FAM174A: variants seen among roughly 807,000 people sequenced by gnomAD.
FAM174A encodes membrane protein FAM174A.
In FAM174A, 14 loss-of-function variants were observed where a neutral mutation model predicts 14.3. The observed-to-expected ratio is 0.98, with a 90% CI of 0.65 to 1.53. The LOEUF (loss-of-function observed/expected upper bound fraction) is 1.53. FAM174A is among the 40% of genes most tolerant of loss of function. The pLI, the probability that FAM174A is intolerant of heterozygous loss-of-function variation, is 0.00. For synonymous variants in FAM174A, 108 were observed against 111.4 expected (o/e 0.97, Z 0.19); for missense variants, 241 against 249.6 (o/e 0.97, Z 0.23).
chr5:100,586,229 A>T lies in FAM174A; in HGVS notation c.*45A>T. 7.2e-7 allele frequency: 1 copy of T among 1,380,554 alleles called. No homozygotes were observed. Among genetic ancestry groups the T allele is most frequent in the Non-Finnish European group, 1.0e-6 (1 of 1,002,250 alleles). The allele number at this position is 1,380,554 out of a possible 1,614,324, so 85.5% of individuals were successfully genotyped here. On this transcript the variant is annotated 3_prime_UTR_variant, in exon 3 of 3. Transcript: ENST00000312637. ...AGAACTTTATCTTTCTACAATGAAG[A>T]GTGGAATTTCTATGTTTAAGGAATA...
chr5:100,564,535 A>G (rs1284538831), intron 2 of FAM174A, among the ~76,000 whole-genome samples: 2 of 151,902 alleles, frequency 1.3e-5, no homozygotes, highest in Non-Finnish European at 2.9e-5. Flanking sequence ...AATAATTAAG[A>G]TTATAATAGA....
Position 100,535,750 on chromosome 5 carries a change from G to T in FAM174A, c.220G>T (p.Ala74Ser). 6.2e-7 allele frequency: 1 copy of T among 1,603,616 alleles called. No homozygotes were observed. The highest frequency in any genetic ancestry group is 8.5e-7 in the Non-Finnish European group (1 of 1,177,356). The change falls in exon 1 of 3, where the codon GCG becomes TCG. Residue 74 changes from alanine to serine, a missense_variant. Ala to Ser is a moderately conservative substitution (Grantham distance 99). Transcript: ENST00000312637. ...GCCGGGCCGTGGTCTGGCTGAAGCTGCGGGGCCGCGGGGCTCCGAGGGAGG... is the reference window on the plus strand; with the variant it reads ...GCCGGGCCGTGGTCTGGCTGAAGCTTCGGGGCCGCGGGGCTCCGAGGGAGG... ...QQPGRGLAEA[A>S]GPRGSEGGNG...
In FAM174A at chr5:100,565,113, A is replaced by G. The variant is rs147615435; in HGVS notation, c.569+2925A>G. Among the ~76,000 whole-genome samples the G allele has an allele frequency of 7.6e-3, 1,151 of 152,002 alleles. 19 individuals carry two copies. The highest frequency in any genetic ancestry group is 0.026 in the African/African-American group (1,065 of 41,518). On this transcript the variant is annotated intron_variant, in intron 2 of 2. Transcript: ENST00000312637. Reference sequence around the variant, plus strand: ...TGAACATGATACAAAAGTCCTCAATAAAATGCTAGTTACCCAAATTCAGCA... The same window carrying G: ...TGAACATGATACAAAAGTCCTCAATGAAATGCTAGTTACCCAAATTCAGCA...
chr5:100,556,448 C>T (rs1219386720), intron 1 of FAM174A, among the ~76,000 whole-genome samples: 1 of 152,062 alleles, frequency 6.6e-6, no homozygotes, highest in Non-Finnish European at 1.5e-5. Flanking sequence ...TCCATATGAA[C>T]TTTAAAGTAG....
intron 1 of FAM174A, among the ~76,000 whole-genome samples, chr5:100,539,890 A>G (rs1746015881): frequency 6.6e-6 from 1 of 152,214 alleles, no homozygotes; most frequent in South Asian, 2.1e-4. Flanking sequence ...AAACCTCCAA[A>G]TTTTACCTTT....
chr5:100,585,244 A>G (rs1747104770), intron 2 of FAM174A, among the ~76,000 whole-genome samples: 1 of 152,172 alleles, frequency 6.6e-6, no homozygotes, highest in Non-Finnish European at 1.5e-5. Flanking sequence ...TTACTTACAT[A>G]TCTCTCGACT....
At chr5:100,581,246 A>G (rs1747005117) in intron 2 of FAM174A, 1 of 396,970 alleles carries the variant, frequency 2.5e-6, no homozygotes, top group Non-Finnish European at 3.4e-6. Flanking sequence ...ATTTTTTTTG[A>G]GTCAACCAGT....
Position 100,535,493 on chromosome 5 carries a change from T to TG in FAM174A, c.-36dup. ...CCTCTTGGAGCCAGCGTGGCGGGCC[T>TG]GGCGGCTCCCGGGTGGTGAGAGAGC... On this transcript the variant is annotated 5_prime_UTR_variant, in exon 1 of 3. It removes the in-frame stop codon of an upstream open reading frame in the 5' UTR. Transcript: ENST00000312637. The TG allele has an allele frequency of 6.2e-7, 1 of 1,604,526 alleles. No individual in the cohort carries two copies. The highest frequency in any genetic ancestry group is 8.5e-7 in the Non-Finnish European group (1 of 1,175,212).
rs866858791 is a variant in FAM174A at position 100,559,225 on chromosome 5, T to A, written c.435-2829T>A. Among the ~76,000 whole-genome samples the A allele has an allele frequency of 2.0e-5, 3 of 152,082 alleles. 1 individual carries two copies. In the East Asian group the frequency reaches 5.8e-4, roughly 29 times the overall value. ...TTAGTTTGGCTGGATATGAAATTCG[T>A]GGTTGAAAATTCTTTTCTTTAAGAA... On this transcript the variant is annotated intron_variant, in intron 1 of 2. Transcript: ENST00000312637.
chr5:100,585,244 ATC>A (rs1747104834), intron 2 of FAM174A, among the ~76,000 whole-genome samples: 1 of 152,172 alleles, frequency 6.6e-6, no homozygotes, highest in Non-Finnish European at 1.5e-5. Flanking sequence ...TTACTTACAT[ATC>A]TCTCGACTGC....
At chr5:100,574,319 G>A (rs1026510881) in intron 2 of FAM174A, among the ~76,000 whole-genome samples, 1 of 151,954 alleles carries the variant, frequency 6.6e-6, no homozygotes, top group Admixed American at 6.6e-5. Context: ...CTTCCCAGTA[G>A]CTGGGATTAC....
intron 1 of FAM174A, among the ~76,000 whole-genome samples, chr5:100,540,097 T>G (rs964169036): frequency 1.3e-5 from 2 of 152,186 alleles, no homozygotes; most frequent in African/African-American, 4.8e-5. Flanking sequence ...GTGGAGCAAG[T>G]CACTAATGAT....
intron 1 of FAM174A, 50 bp downstream of exon 1, chr5:100,536,014 C>G (rs1474701175): frequency 1.4e-6 from 2 of 1,481,102 alleles, no homozygotes; most frequent in East Asian, 4.7e-5. Context: ...GATACGCAGG[C>G]CGGTGATCTC....
At chr5:100,536,080 C>T in intron 1 of FAM174A, 116 bp downstream of exon 1, 2 of 897,066 alleles carry the variant, frequency 2.2e-6, no homozygotes, top group East Asian at 5.6e-5. Context: ...GGGACTCCTG[C>T]TTAAGAATAT....
chr5:100,575,547 C>T (rs1746885583), intron 2 of FAM174A, among the ~76,000 whole-genome samples: 1 of 152,024 alleles, frequency 6.6e-6, no homozygotes, highest in African/African-American at 2.4e-5. Flanking sequence ...TGATGGTTTC[C>T]AGCTTCATCC....
chr5:100,539,262 A>C (rs181192524), intron 1 of FAM174A, among the ~76,000 whole-genome samples: 1 of 152,266 alleles, frequency 6.6e-6, no homozygotes, highest in African/African-American at 2.4e-5. Flanking sequence ...CAAAACAAAC[A>C]TTTCTGCTTC....
At chr5:100,559,037 G>GA (rs1746463593) in intron 1 of FAM174A, among the ~76,000 whole-genome samples, 5 of 152,020 alleles carry the variant, frequency 3.3e-5, no homozygotes, top group Admixed American at 6.6e-5. Context: ...TAGCCTCGAG[G>GA]GTCTTTACAG....
intron 2 of FAM174A, among the ~76,000 whole-genome samples, chr5:100,581,865 G>A (rs1351185852): frequency 6.6e-6 from 1 of 152,132 alleles, no homozygotes; most frequent in Non-Finnish European, 1.5e-5. Context: ...TGGGCACAAT[G>A]TAATATGATT....
chr5:100,583,919 T>C (rs772914121), intron 2 of FAM174A, among the ~76,000 whole-genome samples: 1 of 152,230 alleles, frequency 6.6e-6, no homozygotes, highest in Non-Finnish European at 1.5e-5. Flanking sequence ...AGCATCCTTA[T>C]GGCCCCCTTA....
Sources: allele counts gnomAD v4.1 joint callset (sites outside exome capture counted in the v4.1 genomes callset), GRCh38; gene constraint gnomAD v4.1.1; transcripts MANE v1.5; gene names NCBI Gene and HGNC (gene_info 2026-07-23, HGNC 2026-07-21).